Variants in HIPK3 observed in about 807,000 individuals in gnomAD.
HIPK3 encodes the protein homeodomain interacting protein kinase 3.
Under a neutral mutation model 124.2 loss-of-function variants are expected in HIPK3, and 47 were observed. The ratio of observed to expected loss-of-function variants is 0.38; its 90% CI spans 0.30 to 0.48. The LOEUF (loss-of-function observed/expected upper bound fraction) is 0.48. Ranked by LOEUF, HIPK3 falls within the 20% of genes least tolerant of loss-of-function variation. HIPK3 has a pLI of 0.98. For synonymous variants in HIPK3, 482 were observed against 515.2 expected, an observed-to-expected ratio of 0.94 and a Z score of 0.87; for missense variants, 1,286 against 1,454.3, an observed-to-expected ratio of 0.88 and a Z score of 1.88.
intron 1 of HIPK3, among the ~76,000 whole-genome samples, chr11:33,269,378 C>G (rs927599546): frequency 6.6e-6 from 1 of 152,164 alleles, no homozygotes; most frequent in Non-Finnish European, 1.5e-5. Flanking sequence ...TCTTCATTCC[C>G]CCAAGATTAC....
At chr11:33,257,336 C>G (rs370483960), upstream of HIPK3, 554 of 984,274 alleles carry the variant, frequency 5.6e-4, 12 homozygotes, top group East Asian at 0.045. Flanking sequence ...GAGGCGGTGG[C>G]CGAGGCCGAC....
intron 1 of HIPK3, among the ~76,000 whole-genome samples, chr11:33,283,717 C>T (rs755389627): frequency 1.1e-4 from 16 of 151,836 alleles, no homozygotes; most frequent in South Asian, 6.3e-4. Context: ...CTCTGTTGCC[C>T]AGGCTGAAGT....
chr11:33,259,130 G>C (rs917132837), intron 1 of HIPK3, among the ~76,000 whole-genome samples: 1 of 152,162 alleles, frequency 6.6e-6, no homozygotes, highest in African/African-American at 2.4e-5. Context: ...TGTAGCTTCT[G>C]AAGTGGGAGT....
At position 33,286,784 on chromosome 11, in the gene HIPK3, C is replaced by G; in HGVS notation, c.370C>G (p.Arg124Gly). ...NRLHFLEGPQ[R>G]CGLKRKSEEL... ...ATTGCATTTCCTAGAAGGCCCCCAGCGATGTGGATTGAAGCGCAAGAGTGA... is the reference window on the plus strand; with the variant it reads ...ATTGCATTTCCTAGAAGGCCCCCAGGGATGTGGATTGAAGCGCAAGAGTGA... The change falls in exon 2 of 17, where the codon CGA becomes GGA. Residue 124 changes from arginine (R) to glycine (G), a missense_variant. Transcript: ENST00000303296. The G allele has an allele frequency of 6.2e-7, 1 of 1,614,076 alleles. No individual in the cohort carries two copies. Among genetic ancestry groups the G allele is most frequent in the Non-Finnish European group, 8.5e-7 (1 of 1,180,028 alleles).
At chr11:33,306,426 G>A (rs940586148) in intron 2 of HIPK3, among the ~76,000 whole-genome samples, 1 of 151,856 alleles carries the variant, frequency 6.6e-6, no homozygotes, top group Non-Finnish European at 1.5e-5. Flanking sequence ...ACAGAAATAT[G>A]TGTTTAAATT....
intron 13 of HIPK3, 34 bp downstream of exon 13, chr11:33,348,852 A>C: frequency 3.8e-6 from 6 of 1,578,858 alleles, no homozygotes; most frequent in Non-Finnish European, 5.2e-6. Context: ...CAAAGGATAT[A>C]GATGGCATCC....
At chr11:33,343,012 G>A (rs1853381088) in intron 8 of HIPK3, among the ~76,000 whole-genome samples, 2 of 152,132 alleles carry the variant, frequency 1.3e-5, no homozygotes. Flanking sequence ...GTCAATTACA[G>A]ATGGGGCCCT....
chr11:33,323,962 C>G (rs1449025979), intron 2 of HIPK3, among the ~76,000 whole-genome samples: 1 of 152,158 alleles, frequency 6.6e-6, no homozygotes, highest in Admixed American at 6.5e-5. Flanking sequence ...TACAAAAGTA[C>G]AAATGATGTC....
chr11:33,304,946 A>G (rs1312495689), intron 2 of HIPK3, among the ~76,000 whole-genome samples: 1 of 152,196 alleles, frequency 6.6e-6, no homozygotes, highest in Non-Finnish European at 1.5e-5. Context: ...TATCATGACA[A>G]GGATATTTCT....
At chr11:33,285,795 A>G (rs1590357586) in intron 1 of HIPK3, among the ~76,000 whole-genome samples, 1 of 151,748 alleles carries the variant, frequency 6.6e-6, no homozygotes, top group Non-Finnish European at 1.5e-5. Context: ...TTTTTGAGAC[A>G]GAGTCTTGCT....
intron 9 of HIPK3, 74 bp from the exon 10 acceptor site, chr11:33,347,555 T>C: frequency 1.3e-6 from 2 of 1,579,138 alleles, no homozygotes; most frequent in Non-Finnish European, 1.7e-6. Flanking sequence ...TTAGATAGTT[T>C]TGAGTTTAAG....
chr11:33,342,540 TTC>T (rs1408180373), intron 8 of HIPK3, among the ~76,000 whole-genome samples: 2 of 112,066 alleles, frequency 1.8e-5, no homozygotes, highest in Non-Finnish European at 3.8e-5. Flanking sequence ...AGGCTATACA[TTC>T]TTTTTTTTTT....
Position 33,328,504 on chromosome 11 carries a change from T to C in HIPK3, c.1098-6T>C. ...CCCTGATTTTTGTTTTAATTTTAAATTTCAGAGCTCCAGAGATTATATTGG... is the reference window on the plus strand; with the variant it reads ...CCCTGATTTTTGTTTTAATTTTAAACTTCAGAGCTCCAGAGATTATATTGG... On this transcript the variant is annotated splice_polypyrimidine_tract_variant and splice_region_variant and intron_variant, in intron 2 of 16. Coordinates refer to ENST00000303296, the MANE Select transcript of HIPK3 (RefSeq NM_005734.5). The C allele has an allele frequency of 6.2e-7, 1 of 1,608,878 alleles. No individual in the cohort carries two copies. Among genetic ancestry groups the C allele is most frequent in the Non-Finnish European group, 8.5e-7 (1 of 1,177,812 alleles).
intron 3 of HIPK3, among the ~76,000 whole-genome samples, chr11:33,333,149 T>G (rs1853039141): frequency 6.6e-6 from 1 of 152,126 alleles, no homozygotes; most frequent in Non-Finnish European, 1.5e-5. Context: ...GGACAAACAT[T>G]CAAACTATAT....
chr11:33,337,328 C>CTTTAT, intron 4 of HIPK3, 134 bp downstream of exon 4: 1 of 464,842 alleles, frequency 2.2e-6, no homozygotes, highest in Non-Finnish European at 3.6e-6. Flanking sequence ...TTTGGCCCTT[C>CTTTAT]TTTATTTTAT....
rs759737822 is a variant in HIPK3 at position 33,339,361 on chromosome 11, G to A, written c.1440G>A (p.Val480=). Residue 480 remains valine, a synonymous_variant, in exon 6 of 17, where the codon GTG becomes GTA. Coordinates refer to ENST00000303296, the MANE Select transcript of HIPK3 (RefSeq NM_005734.5). ...SLDDVAHVNT[V]MDLEGSDLLA... is the part of the protein sequence containing the mutation. ...TTTGATTTTCTTAGGTGAACACAGT[G>A]ATGGATTTGGAAGGAAGTGATCTTT... 9 of 1,612,596 alleles carry A rather than the reference G, an allele frequency of 5.6e-6. No homozygotes were observed. In the East Asian group the frequency reaches 1.8e-4, roughly 32 times the overall value.
chr11:33,265,807 C>A (rs1308994493), intron 1 of HIPK3, among the ~76,000 whole-genome samples: 1 of 145,354 alleles, frequency 6.9e-6, no homozygotes, highest in African/African-American at 2.5e-5. Flanking sequence ...CAAAATGGGC[C>A]GGGCACGGTG....
At chr11:33,314,669 C>T (rs916942937) in intron 2 of HIPK3, among the ~76,000 whole-genome samples, 1 of 151,932 alleles carries the variant, frequency 6.6e-6, no homozygotes, top group Non-Finnish European at 1.5e-5. Context: ...CACACACACA[C>T]AAAAACGAAT....
At chr11:33,310,298 TATCTATCTA>T (rs1367610246) in intron 2 of HIPK3, among the ~76,000 whole-genome samples, 21 of 151,550 alleles carry the variant, frequency 1.4e-4, no homozygotes, top group African/African-American at 4.6e-4. Flanking sequence ...TCTATCTATC[TATCTATCTA>T]ATCTATCTAT....
Sources: allele counts gnomAD v4.1 joint callset (sites outside exome capture counted in the v4.1 genomes callset), GRCh38; gene constraint gnomAD v4.1.1; transcripts MANE v1.5; gene names NCBI Gene and HGNC (gene_info 2026-07-23, HGNC 2026-07-21).